PGS1: variants seen among roughly 807,000 people sequenced by gnomAD.
PGS1 encodes the protein CDP-diacylglycerol--glycerol-3-phosphate 3-phosphatidyltransferase, mitochondrial.
Under a neutral mutation model 58.3 loss-of-function variants are expected in PGS1, and 44 were observed. That is an observed-to-expected ratio of 0.75 (90% CI 0.59 to 0.97). PGS1 has a LOEUF of 0.97. Among genes scored for constraint, PGS1 ranks in the 50% least tolerant of loss-of-function variants. The probability of loss-of-function intolerance (pLI) is 0.00; values close to 1 mark genes in which losing one functional copy is unlikely to be tolerated. For synonymous variants in PGS1, 330 were observed against 311.0 expected (o/e 1.06, Z -0.64); for missense variants, 684 against 731.1 (o/e 0.94, Z 0.74).
intron 8 of PGS1, 115 bp downstream of exon 8, chr17:78,415,142 C>CATT (rs773498076): frequency 8.2e-5 from 97 of 1,177,120 alleles, no homozygotes; most frequent in Non-Finnish European, 6.3e-5. Flanking sequence ...GAGTGAGACT[C>CATT]AGAGCAGAGC....
chr17:78,413,218 C>T (rs970595882), intron 7 of PGS1, among the ~76,000 whole-genome samples: 2 of 152,216 alleles, frequency 1.3e-5, no homozygotes, highest in Non-Finnish European at 2.9e-5. Flanking sequence ...GGCCTCGTCA[C>T]CTCTTACCCA....
At chr17:78,392,866 G>T (rs2082928486) in intron 2 of PGS1, among the ~76,000 whole-genome samples, 3 of 152,176 alleles carry the variant, frequency 2.0e-5, no homozygotes, top group Admixed American at 2.0e-4. Flanking sequence ...AGCGTCTCAG[G>T]TGGAGAAGCT....
chr17:78,422,322 T>C (rs1021280009), intron 9 of PGS1, among the ~76,000 whole-genome samples: 1 of 152,134 alleles, frequency 6.6e-6, no homozygotes, highest in Admixed American at 6.5e-5. Context: ...GGAGGATTTT[T>C]CTTTTCCCTC....
intron 2 of PGS1, among the ~76,000 whole-genome samples, chr17:78,394,807 G>A (rs988356470): frequency 2.6e-5 from 4 of 152,152 alleles, no homozygotes; most frequent in East Asian, 3.9e-4. Flanking sequence ...CGCCTACCTC[G>A]GCCTCCCAAA....
chr17:78,402,316 A>G (rs2083738337), intron 6 of PGS1, among the ~76,000 whole-genome samples: 1 of 152,108 alleles, frequency 6.6e-6, no homozygotes, highest in South Asian at 2.1e-4. Context: ...TTGTTGTTTT[A>G]TCAATCGTTT....
intron 9 of PGS1, chr17:78,421,766 C>T (rs186933750): frequency 6.6e-6 from 1 of 152,370 alleles, no homozygotes; most frequent in Admixed American, 6.5e-5. Context: ...TCTGCAGTGC[C>T]GTTCCCGCAG....
intron 7 of PGS1, among the ~76,000 whole-genome samples, chr17:78,411,195 A>G (rs1393383585): frequency 6.6e-6 from 1 of 152,146 alleles, no homozygotes; most frequent in Non-Finnish European, 1.5e-5. Flanking sequence ...CTCCTCGACC[A>G]CATGGGGCTT....
At chr17:78,416,981 G>T (rs1400177071) in intron 8 of PGS1, among the ~76,000 whole-genome samples, 1 of 152,048 alleles carries the variant, frequency 6.6e-6, no homozygotes. Flanking sequence ...TTCAGGGAGG[G>T]GCCCTCCTAT....
intron 6 of PGS1, 102 bp from the exon 7 acceptor site, chr17:78,403,466 G>T: frequency 8.3e-7 from 1 of 1,204,340 alleles, no homozygotes; most frequent in Non-Finnish European, 1.2e-6. Context: ...ACATCCAGTT[G>T]TAGCGTCTGC....
intron 9 of PGS1, chr17:78,421,452 G>C (rs2085737273): frequency 1.3e-5 from 2 of 152,310 alleles, no homozygotes; most frequent in South Asian, 4.1e-4. Context: ...CCTGGTCTTA[G>C]ACAAGGACAG....
At chr17:78,408,524 G>C (rs376820552) in intron 7 of PGS1, among the ~76,000 whole-genome samples, 1 of 152,220 alleles carries the variant, frequency 6.6e-6, no homozygotes, top group Non-Finnish European at 1.5e-5. Context: ...GGTGGGGCGC[G>C]TGGAGGTTGA....
chr17:78,417,268 G>A (rs1047536004), intron 8 of PGS1, among the ~76,000 whole-genome samples: 1 of 152,224 alleles, frequency 6.6e-6, no homozygotes, highest in African/African-American at 2.4e-5. Flanking sequence ...AAGACACAAA[G>A]CTGGAGCCAG....
intron 7 of PGS1, among the ~76,000 whole-genome samples, chr17:78,411,095 C>T (rs2084649342): frequency 6.6e-6 from 1 of 152,214 alleles, no homozygotes; most frequent in South Asian, 2.1e-4. Flanking sequence ...GAGGAGTAGA[C>T]ACTCGGGCAG....
chr17:78,380,353 C>T (rs945978925), intron 1 of PGS1, among the ~76,000 whole-genome samples: 1 of 152,098 alleles, frequency 6.6e-6, no homozygotes, highest in Non-Finnish European at 1.5e-5. Context: ...TGTACTGATT[C>T]TAGGTACAGA....
chr17:78,411,232 G>T (rs1331979690), intron 7 of PGS1, among the ~76,000 whole-genome samples: 1 of 152,194 alleles, frequency 6.6e-6, no homozygotes, highest in Non-Finnish European at 1.5e-5. Flanking sequence ...ACTGGGAGTG[G>T]TGGGCACTGA....
At chr17:78,411,278 C>T (rs1241746860) in intron 7 of PGS1, among the ~76,000 whole-genome samples, 3 of 152,154 alleles carry the variant, frequency 2.0e-5, no homozygotes, top group Admixed American at 6.5e-5. Context: ...GGAAAGGGCC[C>T]AGAAGCCATG....
chr17:78,415,067 T>G, intron 8 of PGS1, 40 bp downstream of exon 8: 1 of 1,540,524 alleles, frequency 6.5e-7, no homozygotes. Context: ...GCGCTGAGGG[T>G]GTGGCTGGGG....
chr17:78,411,554 A>G (rs1220932688), intron 7 of PGS1, among the ~76,000 whole-genome samples: 2 of 152,180 alleles, frequency 1.3e-5, no homozygotes, highest in East Asian at 1.9e-4. Context: ...TCTCTGCCCC[A>G]TGAACTGCCA....
At chr17:78,387,161 G>A (rs1175027251) in intron 1 of PGS1, among the ~76,000 whole-genome samples, 2 of 152,050 alleles carry the variant, frequency 1.3e-5, no homozygotes, top group African/African-American at 4.8e-5. Flanking sequence ...GCGCCACCAT[G>A]CCCAGCTAAT....
Sources: allele counts gnomAD v4.1 joint callset (sites outside exome capture counted in the v4.1 genomes callset), GRCh38; gene constraint gnomAD v4.1.1; transcripts MANE v1.5; gene names NCBI Gene and HGNC (gene_info 2026-07-23, HGNC 2026-07-21).